CEACAM19: variants seen among roughly 807,000 people sequenced by gnomAD.
CEACAM19 encodes cell adhesion molecule CEACAM19.
CEACAM19 carries 37 observed loss-of-function variants against 37.6 expected under a neutral mutation model. The ratio of observed to expected loss-of-function variants is 0.98; its 90% CI spans 0.76 to 1.29. CEACAM19 has a LOEUF of 1.29. Ranked by LOEUF, CEACAM19 falls within the 50% of genes most tolerant of loss-of-function variation. The pLI, the probability that CEACAM19 is intolerant of heterozygous loss-of-function variation, is 0.00. For missense variants in CEACAM19, 340 were observed against 375.6 expected (o/e 0.91, Z 0.78); for synonymous variants, 140 against 149.8 (o/e 0.93, Z 0.48).
intron 6 of CEACAM19, 152 bp downstream of exon 6, chr19:44,681,464 A>G: frequency 1.7e-6 from 1 of 580,776 alleles, no homozygotes; most frequent in Non-Finnish European, 3.1e-6. Context: ...CCTAAGGAAA[A>G]GAGACTGGAA....
rs778748044 is a variant in CEACAM19 at position 44,680,319 on chromosome 19, C to T, written c.691C>T (p.Pro231Ser). ...MATTEKPELG[P>S]AHDAGDNNIY... Reference sequence around the variant, plus strand: ...GACCACAGAGAAGCCAGAATTGGGCCCTGCTCATGATGCTGGTAAGGCGGG... The same window carrying T: ...GACCACAGAGAAGCCAGAATTGGGCTCTGCTCATGATGCTGGTAAGGCGGG... Residue 231 changes from proline to serine, a missense_variant, in exon 5 of 8, where the codon CCT (proline) becomes TCT (serine). Coordinates refer to ENST00000358777, the MANE Select transcript of CEACAM19 (RefSeq NM_001127893.3). The T allele has an allele frequency of 7.5e-6, 12 of 1,610,720 alleles. No individual in the cohort carries two copies. In the South Asian group the frequency reaches 8.8e-5, roughly 12 times the overall value.
rs1255381562 is a variant in CEACAM19, at chr19:44,682,570, C to T, written c.796C>T (p.Leu266=). The T allele has an allele frequency of 6.9e-6, 11 of 1,601,544 alleles. No individual in the cohort carries two copies. Among genetic ancestry groups the T allele is most frequent in the Non-Finnish European group, 9.4e-6 (11 of 1,174,412 alleles). The change falls in exon 7 of 8, where the codon CTG becomes TTG. Residue 266 remains leucine, a synonymous_variant. Coordinates refer to ENST00000358777, the MANE Select transcript of CEACAM19 (RefSeq NM_001127893.3). ...CACCCGTGTCCTTCCCTTGCAGCCC[C>T]TGCCCACACCCCCACACCTGCAGGC... The part of the protein sequence containing the change: ...DTRSINPARP[L]PTPPHLQAEP...
upstream of CEACAM19, among the ~76,000 whole-genome samples, chr19:44,667,738 ATAAT>A (rs1445900197): frequency 6.0e-4 from 45 of 74,614 alleles, no homozygotes; most frequent in South Asian, 2.8e-3. Context: ...ATTTATATAT[ATAAT>A]ATATAAATTA....
At chr19:44,681,812 C>G (rs985057150) in intron 6 of CEACAM19, among the ~76,000 whole-genome samples, 2 of 151,920 alleles carry the variant, frequency 1.3e-5, no homozygotes, top group African/African-American at 4.8e-5. Context: ...TGCCTGTAAT[C>G]CCAGTTACTC....
At chr19:44,668,536 ATG>A (rs1302530099), upstream of CEACAM19, among the ~76,000 whole-genome samples, 9 of 61,414 alleles carry the variant, frequency 1.5e-4, no homozygotes, top group African/African-American at 9.1e-4. Flanking sequence ...TATATAATAT[ATG>A]TATATAATTA....
At chr19:44,679,279 C>T (rs35240985) in intron 4 of CEACAM19, among the ~76,000 whole-genome samples, 3,034 of 152,286 alleles carry the variant, frequency 0.02, 111 homozygotes, top group African/African-American at 0.07. Flanking sequence ...AGTCATGAGC[C>T]ATTTCACTTG....
chr19:44,668,226 ATAT>A (rs1241514341), upstream of CEACAM19, among the ~76,000 whole-genome samples: 3 of 85,282 alleles, frequency 3.5e-5, no homozygotes, highest in South Asian at 3.8e-4. Flanking sequence ...TAATATTTAT[ATAT>A]TATATTTATA....
rs1463426615 is a variant in CEACAM19, at chr19:44,681,311, G to C, written c.791G>C (p.Arg264Pro). 1 of 1,611,768 alleles carries C rather than the reference G, an allele frequency of 6.2e-7. No homozygotes were observed. The highest frequency in any genetic ancestry group is 8.5e-7 in the Non-Finnish European group (1 of 1,178,194). ...GACACAAGGTCCATAAACCCAGCCC[G>C]GGTGAGTCCCGTCCCCAGCCTCTCC... The part of the protein sequence containing the change: ...ISDTRSINPA[R>P]PLPTPPHLQA... Residue 264 changes from arginine to proline, a missense_variant and splice_region_variant, in exon 6 of 8, where the codon CGG becomes CCG. By Grantham distance (103) the Arg-to-Pro change is moderately radical. Coordinates refer to ENST00000358777, the MANE Select transcript of CEACAM19 (RefSeq NM_001127893.3).
chr19:44,681,862 G>A lies in CEACAM19; in HGVS notation c.792+550G>A, dbSNP rs551222986. 1.1e-4 allele frequency among the ~76,000 whole-genome samples: 17 copies of A among 152,068 alleles called. 1 individual carries two copies. In the South Asian group the frequency reaches 3.5e-3, roughly 32 times the overall value. On this transcript the variant is annotated intron_variant, in intron 6 of 7. Coordinates refer to ENST00000358777, the MANE Select transcript of CEACAM19 (RefSeq NM_001127893.3). ...GGAGAATCGCTTGAACCCAGGAGGT[G>A]GAGGTTGCAGTAAGCCGAGGTCATG...
upstream of CEACAM19, among the ~76,000 whole-genome samples, chr19:44,669,376 A>G (rs1479191298): frequency 6.6e-6 from 1 of 152,042 alleles, no homozygotes; most frequent in Admixed American, 6.5e-5. Context: ...TTCCCACCTC[A>G]GCCTCTCAGA....
At position 44,672,652 on chromosome 19, in the gene CEACAM19, A is replaced by G; in HGVS notation, c.112A>G (p.Lys38Glu). The G allele has an allele frequency of 4.0e-6, 6 of 1,517,746 alleles. No individual in the cohort carries two copies. Among genetic ancestry groups the G allele is most frequent in the Non-Finnish European group, 5.3e-6 (6 of 1,131,684 alleles). The allele number at this position is 1,517,746 out of a possible 1,614,324, so 94.0% of individuals were successfully genotyped here. A position where few individuals can be genotyped will look rare whatever the true frequency, so the allele number is the denominator to read the frequency against. The change falls in exon 2 of 8, where the codon AAG becomes GAG. Residue 38 changes from lysine to glutamate, a missense_variant. Transcript: ENST00000358777. ...CTCCCAGGCAGCTCTCTACATCCAG[A>G]AGATTCCAGAGCAGCCTCAAAAGAA... The part of the protein sequence containing the change: ...QGSQAALYIQ[K>E]IPEQPQKNQD...
upstream of CEACAM19, among the ~76,000 whole-genome samples, chr19:44,666,546 T>C (rs1270986772): frequency 6.6e-6 from 1 of 152,180 alleles, no homozygotes; most frequent in Non-Finnish European, 1.5e-5. Context: ...GGCGTGCGCC[T>C]ATAGTCCCAG....
At chr19:44,681,161 A>C in intron 5 of CEACAM19, 66 bp from the exon 6 acceptor site, 1 of 1,032,578 alleles carries the variant, frequency 9.7e-7, no homozygotes, top group East Asian at 2.4e-5. Flanking sequence ...ATGAATGTCA[A>C]CAGGCAGTCA....
rs576277233 is a variant in CEACAM19, at chr19:44,683,579, T to C, written c.*89T>C. 2.2e-4 allele frequency: 177 copies of C among 817,842 alleles called. No homozygotes were observed. The highest frequency in any genetic ancestry group is 8.1e-4 in the South Asian group (38 of 46,942). The allele number at this position is 817,842 out of a possible 1,614,324, so 50.7% of individuals were successfully genotyped here. ...ACCTGAGACCAGCAGGACAAGGCCA[T>C]TGGGGGCTGTGGGGCCGATGAGGTG... On this transcript the variant is annotated 3_prime_UTR_variant, in exon 8 of 8. Coordinates refer to ENST00000358777, the MANE Select transcript of CEACAM19 (RefSeq NM_001127893.3).
upstream of CEACAM19, among the ~76,000 whole-genome samples, chr19:44,666,613 T>C (rs1344341789): frequency 6.6e-6 from 1 of 152,112 alleles, no homozygotes; most frequent in East Asian, 1.9e-4. Flanking sequence ...GAGGTTGCAG[T>C]GAGCTGAGAT....
chr19:44,669,606 T>C (rs539319207), upstream of CEACAM19, among the ~76,000 whole-genome samples: 131 of 152,128 alleles, frequency 8.6e-4, no homozygotes, highest in African/African-American at 3.0e-3. Context: ...ACCCAAGATA[T>C]TGCAACCTCC....
At position 44,680,441 on chromosome 19, in the gene CEACAM19, T is replaced by G; in HGVS notation, c.706+107T>G. Reference sequence around the variant, plus strand: ...TCTCCCTCACTCAGAGACCTCCCAATGCACCTGCCCCGAGACCTCTCTGGG... The same window carrying G: ...TCTCCCTCACTCAGAGACCTCCCAAGGCACCTGCCCCGAGACCTCTCTGGG... On this transcript the variant is annotated intron_variant, in intron 5 of 7. Coordinates refer to ENST00000358777, the MANE Select transcript of CEACAM19 (RefSeq NM_001127893.3). The G allele has an allele frequency of 3.9e-6, 4 of 1,038,480 alleles. No homozygotes were observed. The South Asian group carries it at 5.3e-5, about 14-fold the overall frequency. 64.3% of individuals were successfully genotyped at this position (1,038,480 alleles called of 1,614,324 possible).
At chr19:44,670,803 A>C (rs1390172580), upstream of CEACAM19, among the ~76,000 whole-genome samples, 2 of 141,508 alleles carry the variant, frequency 1.4e-5, no homozygotes, top group South Asian at 2.2e-4. Flanking sequence ...AAAAAAAAAA[A>C]AAAAAAAACA....
intron 7 of CEACAM19, chr19:44,683,055 A>AGTCT: frequency 6.8e-6 from 1 of 148,122 alleles, no homozygotes; most frequent in Admixed American, 8.2e-5. Context: ...CCTTTCTTGG[A>AGTCT]CTCTCTCTCT....
Sources: gnomAD v4.1 joint callset for allele counts (sites outside exome capture counted in the v4.1 genomes callset) on GRCh38, gnomAD v4.1.1 for gene constraint, MANE v1.5 for transcripts, NCBI Gene and HGNC (gene_info 2026-07-23, HGNC 2026-07-21) for gene names.